Variants in ALDH5A1 observed in about 807,000 individuals in gnomAD.
ALDH5A1 encodes aldehyde dehydrogenase 5 family member A1.
In ALDH5A1, 33 loss-of-function variants were observed where a neutral mutation model predicts 54.7. The observed-to-expected ratio is 0.60, with a 90% CI of 0.46 to 0.81. The LOEUF is 0.81. Among genes scored for constraint, ALDH5A1 ranks in the 30% least tolerant of loss-of-function variants. ALDH5A1 has a pLI of 0.00. For synonymous variants in ALDH5A1, 294 were observed against 292.7 expected (o/e 1.00, Z -0.05); for missense variants, 657 against 711.0 (o/e 0.92, Z 0.86).
Position 24,526,953 on chromosome 6 carries a change from AATATATATATATGTGTGTGT to A in ALDH5A1, c.1174-1043_1174-1024del, listed in dbSNP as rs1437012295. On this transcript the variant is annotated intron_variant, in intron 7 of 9. Transcript: ENST00000357578. ...TACTATATATTCTATATATATATCT[AATATATATATATGTGTGTGT>A]GTATATATATATATATATATATATA... Among the ~76,000 whole-genome samples, 121 of 106,012 alleles carry A rather than the reference AATATATATATATGTGTGTGT, an allele frequency of 1.1e-3. 3 individuals are homozygous for A. Among genetic ancestry groups the A allele is most frequent in the Middle Eastern group, 4.8e-3 (1 of 210 alleles). 69.5% of individuals were successfully genotyped at this position (106,012 alleles called of 152,430 possible).
chr6:24,495,311 C>T lies in ALDH5A1; in HGVS notation c.315C>T (p.Ala105=), dbSNP rs552685712. Residue 105 remains alanine (A), a synonymous_variant, in exon 1 of 10, where the codon GCC becomes GCT. Transcript: ENST00000357578. ...AGGCCCGCGCCGCCGTGCGCGCTGC[C>T]TACGAGGCTTTCTGCCGCTGGAGGG... ...VREARAAVRA[A]YEAFCRWREV... The T allele has an allele frequency of 2.9e-5, 45 of 1,533,246 alleles. 1 individual carries two copies. In the South Asian group the frequency reaches 4.9e-4, roughly 17 times the overall value. 95.0% of individuals were successfully genotyped at this position (1,533,246 alleles called of 1,614,324 possible).
rs1166009921 is a variant in ALDH5A1 at position 24,528,164 on chromosome 6, C to G, written c.1341C>G (p.Ile447Met). 2 of 1,613,734 alleles carry G rather than the reference C, an allele frequency of 1.2e-6. No homozygotes were observed. Among genetic ancestry groups the G allele is most frequent in the Non-Finnish European group, 1.7e-6 (2 of 1,179,792 alleles). ...CTTTCGGGCCTCTGGCACCAGTTAT[C>G]AAGTAAGATCCTCCAGCCAGCGGGG... ...EETFGPLAPV[I>M]KFDTEEEAIA... Residue 447 changes from isoleucine to methionine, a missense_variant and splice_region_variant, in exon 8 of 10, where the codon ATC becomes ATG. This residue lies in a region of ALDH5A1 where 425 missense variants were observed against 516.4 expected (regional missense o/e 0.82). Transcript: ENST00000357578.
intron 4 of ALDH5A1, among the ~76,000 whole-genome samples, chr6:24,508,201 A>C (rs903712068): frequency 2.6e-5 from 4 of 151,708 alleles, no homozygotes; most frequent in African/African-American, 9.7e-5. Context: ...CGTCTCTACT[A>C]AAAATACAAA....
rs372677778 is a variant in ALDH5A1, at chr6:24,509,588, G to A, written c.726+4603G>A. Among the ~76,000 whole-genome samples the A allele has an allele frequency of 6.6e-6, 1 of 152,018 alleles. No homozygotes were observed. Among genetic ancestry groups the A allele is most frequent in the African/African-American group, 2.4e-5 (1 of 41,410 alleles). On this transcript the variant is annotated intron_variant, in intron 4 of 9. Coordinates refer to ENST00000357578, the MANE Select transcript of ALDH5A1 (RefSeq NM_001080.3). This position sits in a 1 kb window ranked among gnomAD's most constrained non-coding sequence, Gnocchi z 4.7. ...TCCAGGAATTTATCCATCTCCTCTC[G>A]GTTTTCTAGTTTATGTGTGTAAAGG...
chr6:24,503,230 G>T, intron 2 of ALDH5A1, 33 bp from the exon 3 acceptor site: 1 of 1,608,204 alleles, frequency 6.2e-7, no homozygotes, highest in Non-Finnish European at 8.5e-7. Flanking sequence ...TTATTAGAAG[G>T]TAATACGTGG....
intron 5 of ALDH5A1, among the ~76,000 whole-genome samples, chr6:24,520,048 C>G (rs959366573): frequency 1.3e-5 from 2 of 151,994 alleles, no homozygotes; most frequent in Admixed American, 1.3e-4. Flanking sequence ...CTTGTCATCC[C>G]AGTGTTTATT....
chr6:24,502,962 A>T (rs1759233291), intron 2 of ALDH5A1, among the ~76,000 whole-genome samples: 1 of 151,810 alleles, frequency 6.6e-6, no homozygotes, highest in African/African-American at 2.4e-5. Context: ...TTCCATAGAT[A>T]TAATAAATTA....
At chr6:24,527,372 G>C (rs1019887201) in intron 7 of ALDH5A1, among the ~76,000 whole-genome samples, 9 of 152,068 alleles carry the variant, frequency 5.9e-5, no homozygotes, top group Non-Finnish European at 1.2e-4. Flanking sequence ...AGGAGTTCGA[G>C]ACCAGCCTGG....
At chr6:24,532,061 A>C (rs1476931596) in intron 8 of ALDH5A1, 58 bp from the exon 9 acceptor site, 14 of 1,523,370 alleles carry the variant, frequency 9.2e-6, no homozygotes, top group Non-Finnish European at 1.3e-5. Context: ...AAGAAAACAA[A>C]ACTGGTTTCC....
At chr6:24,514,955 A>C (rs182384464) in intron 4 of ALDH5A1, among the ~76,000 whole-genome samples, 1 of 152,036 alleles carries the variant, frequency 6.6e-6, no homozygotes, top group African/African-American at 2.4e-5. Flanking sequence ...TATTGTAATG[A>C]TCTTTAACAA....
chr6:24,511,260 T>C (rs1232106877), intron 4 of ALDH5A1, among the ~76,000 whole-genome samples: 1 of 152,224 alleles, frequency 6.6e-6, no homozygotes, highest in Non-Finnish European at 1.5e-5. Flanking sequence ...GACTCTTTCC[T>C]TCGTCTGAAC....
At chr6:24,514,526 G>A (rs2127385547) in intron 4 of ALDH5A1, among the ~76,000 whole-genome samples, 1 of 152,210 alleles carries the variant, frequency 6.6e-6, no homozygotes, top group South Asian at 2.1e-4. Context: ...ATCACTTGAG[G>A]CCAGGAGTTC....
intron 8 of ALDH5A1, among the ~76,000 whole-genome samples, chr6:24,528,519 T>C (rs1759865611): frequency 6.6e-6 from 1 of 151,534 alleles, no homozygotes; most frequent in African/African-American, 2.4e-5. Flanking sequence ...CCCACCACCA[T>C]ACCAGGCTAA....
In ALDH5A1 at chr6:24,503,256, A is replaced by G. The variant is rs1437395260; in HGVS notation, c.439-7A>G. Reference sequence around the variant, plus strand: ...TAATACGTGGGTTCTTTTCTGATTTAATTTAGGGAAAGCCACTGAAGGAGG... The same window carrying G: ...TAATACGTGGGTTCTTTTCTGATTTGATTTAGGGAAAGCCACTGAAGGAGG... On this transcript the variant is annotated splice_region_variant and splice_polypyrimidine_tract_variant and intron_variant, in intron 2 of 9. Coordinates refer to ENST00000357578, the MANE Select transcript of ALDH5A1 (RefSeq NM_001080.3). 1.9e-6 allele frequency: 3 copies of G among 1,613,362 alleles called. No individual in the cohort carries two copies. Among genetic ancestry groups the G allele is most frequent in the Non-Finnish European group, 2.5e-6 (3 of 1,179,978 alleles).
intron 3 of ALDH5A1, among the ~76,000 whole-genome samples, chr6:24,504,663 A>T (rs530214120): frequency 6.6e-6 from 1 of 152,326 alleles, no homozygotes; most frequent in East Asian, 1.9e-4. Context: ...AATTCTAAAA[A>T]TATTTCCTGT....
intron 1 of ALDH5A1, among the ~76,000 whole-genome samples, chr6:24,500,647 AAATAATAAT>A (rs35094488): frequency 1.3e-3 from 188 of 144,166 alleles, no homozygotes; most frequent in South Asian, 8.6e-3. Flanking sequence ...ACCGTATCTA[AAATAATAAT>A]AATAATAATA....
At chr6:24,506,505 C>G (rs1296222228) in intron 4 of ALDH5A1, among the ~76,000 whole-genome samples, 1 of 151,980 alleles carries the variant, frequency 6.6e-6, no homozygotes, top group Non-Finnish European at 1.5e-5. Context: ...CCCGCCTCGG[C>G]CTCCCAAAGT....
intron 6 of ALDH5A1, among the ~76,000 whole-genome samples, chr6:24,521,879 T>G (rs201525909): frequency 2.6e-3 from 341 of 130,606 alleles, no homozygotes; most frequent in East Asian, 8.4e-3. Flanking sequence ...TTTTTTTTTT[T>G]TTTGTGTGAC....
At chr6:24,533,056 A>T (rs1177711130) in intron 9 of ALDH5A1, among the ~76,000 whole-genome samples, 3 of 152,204 alleles carry the variant, frequency 2.0e-5, no homozygotes, top group Non-Finnish European at 4.4e-5. Context: ...AGAAAGGGTG[A>T]GGAGAATTTG....
Sources: gnomAD v4.1 joint callset for allele counts (sites outside exome capture counted in the v4.1 genomes callset) on GRCh38, gnomAD v4.1.1 for gene constraint, gnomAD v4.1.1 regional missense constraint, Gnocchi (gnomAD v3.1) non-coding constraint, MANE v1.5 for transcripts, NCBI Gene and HGNC (gene_info 2026-07-23, HGNC 2026-07-21) for gene names.